Variants in GSG1L observed in about 807,000 individuals in gnomAD.
The protein encoded by GSG1L is GSG1 like.
Under a neutral mutation model 42.1 loss-of-function variants are expected in GSG1L, and 24 were observed. The observed-to-expected ratio is 0.57, with a 90% confidence interval of 0.41 to 0.80. The LOEUF is 0.80. GSG1L is among the 30% of genes least tolerant of loss of function. The probability of loss-of-function intolerance (pLI) is 0.00; values close to 1 mark genes in which losing one functional copy is unlikely to be tolerated. For missense variants in GSG1L, 445 were observed against 472.2 expected, an observed-to-expected ratio of 0.94 and a Z score of 0.53; for synonymous variants, 215 against 203.5, an observed-to-expected ratio of 1.06 and a Z score of -0.48.
intron 4 of GSG1L, among the ~76,000 whole-genome samples, chr16:27,843,134 T>C (rs1309053991): frequency 1.3e-5 from 2 of 152,172 alleles, no homozygotes; most frequent in African/African-American, 2.4e-5. Flanking sequence ...ACTCAGTTAA[T>C]ATGTGTTAAA....
At chr16:27,808,585 A>AT (rs1794262897) in intron 5 of GSG1L, among the ~76,000 whole-genome samples, 2 of 151,688 alleles carry the variant, frequency 1.3e-5, no homozygotes, top group Non-Finnish European at 2.9e-5. Context: ...CGCCCAGCTA[A>AT]TTTTTGTACT....
chr16:27,928,559 A>C (rs938052787), intron 2 of GSG1L, among the ~76,000 whole-genome samples: 2 of 152,234 alleles, frequency 1.3e-5, no homozygotes. Flanking sequence ...GCCCAGGCTC[A>C]GTCTGTCTGG....
intron 5 of GSG1L, among the ~76,000 whole-genome samples, chr16:27,817,929 TG>T (rs1179187339): frequency 5.3e-5 from 8 of 151,028 alleles, no homozygotes; most frequent in South Asian, 2.1e-4. Flanking sequence ...ACCCTATGAC[TG>T]GGGCTGCACC....
chr16:28,010,011 C>T (rs2141154862), intron 1 of GSG1L, among the ~76,000 whole-genome samples: 1 of 152,328 alleles, frequency 6.6e-6, no homozygotes, highest in East Asian at 1.9e-4. Context: ...CCGCAAAACA[C>T]ACACACACGC....
chr16:27,902,529 G>A (rs563664881), intron 2 of GSG1L, among the ~76,000 whole-genome samples: 7 of 152,180 alleles, frequency 4.6e-5, no homozygotes, highest in East Asian at 1.9e-4. Flanking sequence ...ATGATGAGAC[G>A]GGAGGTTCGC....
chr16:27,911,324 T>G (rs529484738), intron 2 of GSG1L, among the ~76,000 whole-genome samples: 9 of 141,378 alleles, frequency 6.4e-5, no homozygotes, highest in Admixed American at 3.5e-4. Flanking sequence ...AGGGTCTCAC[T>G]CTGTCACCCA....
At chr16:27,971,388 A>G (rs1241922327) in intron 1 of GSG1L, among the ~76,000 whole-genome samples, 2 of 150,088 alleles carry the variant, frequency 1.3e-5, no homozygotes, top group Admixed American at 1.3e-4. Context: ...ATTCCTAAGT[A>G]TTTTATAATT....
chr16:28,006,154 G>A (rs142658087), intron 1 of GSG1L, among the ~76,000 whole-genome samples: 6 of 152,226 alleles, frequency 3.9e-5, no homozygotes, highest in Admixed American at 3.9e-4. Flanking sequence ...ACAGCCCTTC[G>A]TTTGCAGCCA....
At chr16:27,944,984 G>C (rs985373475) in intron 2 of GSG1L, among the ~76,000 whole-genome samples, 2 of 151,176 alleles carry the variant, frequency 1.3e-5, no homozygotes, top group African/African-American at 4.9e-5. Context: ...GGCTGAGCTG[G>C]GAGGAGCACT....
chr16:27,984,570 C>T (rs2085359446), intron 1 of GSG1L, among the ~76,000 whole-genome samples: 2 of 151,998 alleles, frequency 1.3e-5, no homozygotes, highest in South Asian at 2.1e-4. Flanking sequence ...TTTTTTAGAG[C>T]TCTACAGTCA....
At chr16:27,929,860 G>T (rs895714559) in intron 2 of GSG1L, among the ~76,000 whole-genome samples, 9 of 152,052 alleles carry the variant, frequency 5.9e-5, no homozygotes, top group African/African-American at 1.7e-4. Context: ...ACAGCTCTCT[G>T]CCCTCCTCCA....
chr16:27,857,873 CT>C (rs1277894018), intron 3 of GSG1L, among the ~76,000 whole-genome samples: 1 of 148,976 alleles, frequency 6.7e-6, no homozygotes, highest in Admixed American at 6.7e-5. Flanking sequence ...GGGCCTCCCC[CT>C]CTCCTCCTGT....
At chr16:27,814,751 A>G (rs888311878) in intron 5 of GSG1L, among the ~76,000 whole-genome samples, 5 of 151,210 alleles carry the variant, frequency 3.3e-5, no homozygotes, top group Non-Finnish European at 7.4e-5. Context: ...GGGAGGGAGG[A>G]AAAACAGTTT....
intron 2 of GSG1L, among the ~76,000 whole-genome samples, chr16:27,957,367 T>G (rs1379990717): frequency 1.3e-5 from 2 of 152,134 alleles, no homozygotes; most frequent in African/African-American, 2.4e-5. Context: ...ATAAAAAAGT[T>G]CATAACATGG....
At chr16:27,797,043 T>G (rs1415005518) in intron 6 of GSG1L, among the ~76,000 whole-genome samples, 2 of 152,216 alleles carry the variant, frequency 1.3e-5, no homozygotes, top group African/African-American at 4.8e-5. Flanking sequence ...TGGACTCATT[T>G]AATCCTCAAA....
chr16:27,986,639 C>T (rs980945010), intron 1 of GSG1L, among the ~76,000 whole-genome samples: 1 of 152,206 alleles, frequency 6.6e-6, no homozygotes, highest in Non-Finnish European at 1.5e-5. Flanking sequence ...GGGTTACCCA[C>T]CAGCATTGGG....
intron 3 of GSG1L, among the ~76,000 whole-genome samples, chr16:27,867,736 G>A (rs1379247154): frequency 6.6e-6 from 1 of 152,068 alleles, no homozygotes; most frequent in Non-Finnish European, 1.5e-5. Context: ...TACCTGCAGC[G>A]CACCCACCCT....
At chr16:27,866,871 C>T (rs1339324331) in intron 3 of GSG1L, among the ~76,000 whole-genome samples, 2 of 152,128 alleles carry the variant, frequency 1.3e-5, no homozygotes, top group Non-Finnish European at 2.9e-5. Context: ...CGAAACCGGC[C>T]CTCACTTTCA....
intron 2 of GSG1L, among the ~76,000 whole-genome samples, chr16:27,900,985 A>C (rs1356935051): frequency 6.6e-6 from 1 of 152,078 alleles, no homozygotes. Flanking sequence ...AAATTTAGCC[A>C]GGTGTGGTGG....
Sources: allele counts gnomAD v4.1 joint callset (sites outside exome capture counted in the v4.1 genomes callset), GRCh38; gene constraint gnomAD v4.1.1; transcripts MANE v1.5; gene names NCBI Gene and HGNC (gene_info 2026-07-23, HGNC 2026-07-21).